MAGI2: variants seen among roughly 807,000 people sequenced by gnomAD.
MAGI2 encodes the protein membrane-associated guanylate kinase, WW and PDZ domain-containing protein 2.
MAGI2 carries 35 observed loss-of-function variants against 133.3 expected under a neutral mutation model. The ratio of observed to expected loss-of-function variants is 0.26; its 90% CI spans 0.20 to 0.35. The LOEUF is 0.35. Among genes scored for constraint, MAGI2 ranks in the 10% least tolerant of loss-of-function variants. MAGI2 has a pLI of 1.00. For synonymous variants in MAGI2, 729 were observed against 710.6 expected, an observed-to-expected ratio of 1.03 and a Z score of -0.41; for missense variants, 1,636 against 1,863.4, an observed-to-expected ratio of 0.88 and a Z score of 2.25.
At chr7:78,985,669 T>G (rs1156404222) in intron 2 of MAGI2, among the ~76,000 whole-genome samples, 2 of 152,042 alleles carry the variant, frequency 1.3e-5, no homozygotes, top group Non-Finnish European at 2.9e-5. Context: ...TAATTTTGTT[T>G]AAACTAAGTC....
intron 6 of MAGI2, among the ~76,000 whole-genome samples, chr7:78,389,209 T>C (rs960188660): frequency 6.6e-6 from 1 of 152,202 alleles, no homozygotes; most frequent in African/African-American, 2.4e-5. Flanking sequence ...CTGTGATTTA[T>C]GGTTCTGCAG....
At chr7:78,209,416 C>T (rs1297703240) in intron 10 of MAGI2, among the ~76,000 whole-genome samples, 28 of 150,228 alleles carry the variant, frequency 1.9e-4, no homozygotes, top group African/African-American at 6.3e-4. Flanking sequence ...CGTGCACCAT[C>T]ACGCCCCACT....
At chr7:79,103,886 A>G (rs1226138552) in intron 1 of MAGI2, among the ~76,000 whole-genome samples, 5 of 151,644 alleles carry the variant, frequency 3.3e-5, no homozygotes, top group Non-Finnish European at 7.4e-5. Flanking sequence ...TATTTTTAGT[A>G]GAGACGGGGT....
At chr7:78,395,407 T>C (rs73144438) in intron 6 of MAGI2, among the ~76,000 whole-genome samples, 2,848 of 152,242 alleles carry the variant, frequency 0.019, 39 homozygotes, top group Non-Finnish European at 0.031. Flanking sequence ...CAACAGAAAA[T>C]TGGGGTTTCC....
At chr7:78,070,216 T>TAC (rs1164217422) in intron 21 of MAGI2, among the ~76,000 whole-genome samples, 27 of 52,106 alleles carry the variant, frequency 5.2e-4, no homozygotes, top group African/African-American at 1.3e-3. Flanking sequence ...TATATATATA[T>TAC]ATACACACAC....
At chr7:78,695,533 T>C (rs1164495661) in intron 2 of MAGI2, among the ~76,000 whole-genome samples, 1 of 152,190 alleles carries the variant, frequency 6.6e-6, no homozygotes. Flanking sequence ...TCTCAGTTCT[T>C]TCAATGTAGT....
chr7:78,663,299 C>T (rs553434886), intron 2 of MAGI2, among the ~76,000 whole-genome samples: 6 of 151,300 alleles, frequency 4.0e-5, no homozygotes, highest in East Asian at 2.0e-4. Context: ...ATCCGCCTCC[C>T]GGGTTCAAGC....
chr7:78,339,827 G>T (rs907967070), intron 9 of MAGI2, among the ~76,000 whole-genome samples: 2 of 152,150 alleles, frequency 1.3e-5, no homozygotes, highest in Non-Finnish European at 2.9e-5. Flanking sequence ...GTAGCGTTTG[G>T]AAACGTGGTG....
intron 2 of MAGI2, among the ~76,000 whole-genome samples, chr7:78,842,873 T>G (rs1403118768): frequency 6.6e-6 from 1 of 151,860 alleles, no homozygotes; most frequent in African/African-American, 2.4e-5. Flanking sequence ...AGTATCACTT[T>G]TTTTTTAACT....
At chr7:79,412,405 A>T (rs1482291497) in intron 1 of MAGI2, 1 of 152,114 alleles carries the variant, frequency 6.6e-6, no homozygotes, top group African/African-American at 2.4e-5. Flanking sequence ...TAAGTGTAAA[A>T]TCTGCATTAC....
At chr7:78,681,348 C>G (rs1815636170) in intron 2 of MAGI2, among the ~76,000 whole-genome samples, 1 of 152,110 alleles carries the variant, frequency 6.6e-6, no homozygotes, top group South Asian at 2.1e-4. Context: ...CTTTCATATT[C>G]CTGGTCTGTT....
chr7:78,467,280 G>A lies in MAGI2; in HGVS notation c.1045+22481C>T, dbSNP rs114692635. Among the ~76,000 whole-genome samples, 910 of 152,172 alleles carry A rather than the reference G, an allele frequency of 6.0e-3. 11 individuals are homozygous for A. Among genetic ancestry groups the A allele is most frequent in the African/African-American group, 0.021 (882 of 41,514 alleles). ...ATAACCTTAAGGAATCAGCCCCTAAGGATAAACAGCTATGCCTTGGCCCCT... is the reference window on the plus strand; with the variant it reads ...ATAACCTTAAGGAATCAGCCCCTAAAGATAAACAGCTATGCCTTGGCCCCT... On this transcript the variant is annotated intron_variant, in intron 6 of 21. Transcript: ENST00000354212.
chr7:78,061,556 A>C (rs1442882263), intron 21 of MAGI2, among the ~76,000 whole-genome samples: 1 of 152,110 alleles, frequency 6.6e-6, no homozygotes, highest in Non-Finnish European at 1.5e-5. Flanking sequence ...TTGGGAGGGA[A>C]GGTCATGAAT....
chr7:78,819,274 A>C (rs2151423576), intron 2 of MAGI2, among the ~76,000 whole-genome samples: 1 of 152,242 alleles, frequency 6.6e-6, no homozygotes, highest in Middle Eastern at 3.4e-3. Context: ...TTGAAGGATC[A>C]GGAAGCATCT....
chr7:78,654,927 A>T lies in MAGI2; in HGVS notation c.419-27688T>A, dbSNP rs571319816. On this transcript the variant is annotated intron_variant, in intron 2 of 21. Coordinates refer to ENST00000354212, the MANE Select transcript of MAGI2 (RefSeq NM_012301.4). ...TAGAAAAATGTTATTTAAAACAACA[A>T]ATTCAAGACCTGTGCCTTGAACGGG... Among the ~76,000 whole-genome samples the T allele has an allele frequency of 5.9e-5, 9 of 151,740 alleles. No individual in the cohort carries two copies. The South Asian group carries it at 1.9e-3, about 32-fold the overall frequency.
intron 1 of MAGI2, among the ~76,000 whole-genome samples, chr7:79,046,279 C>T (rs887293942): frequency 3.4e-4 from 52 of 152,144 alleles, no homozygotes; most frequent in African/African-American, 1.2e-3. Context: ...GTGAGGTAAT[C>T]CAATCTGACT....
Position 79,335,903 on chromosome 7 carries a change from A to T in MAGI2, c.301+117117T>A, listed in dbSNP as rs137941135. Among the ~76,000 whole-genome samples, 61 of 152,182 alleles carry T rather than the reference A, an allele frequency of 4.0e-4. No homozygotes were observed. In the East Asian group the frequency reaches 0.011, roughly 28 times the overall value. Reference sequence around the variant, plus strand: ...CACTATATTTAAATATAATGACTTAATGTAATGTCTATCTTCTCTTCCAAA... The same window carrying T: ...CACTATATTTAAATATAATGACTTATTGTAATGTCTATCTTCTCTTCCAAA... On this transcript the variant is annotated intron_variant, in intron 1 of 21. Transcript: ENST00000354212.
At chr7:79,254,918 T>C (rs189181477) in intron 1 of MAGI2, among the ~76,000 whole-genome samples, 11 of 152,294 alleles carry the variant, frequency 7.2e-5, no homozygotes, top group East Asian at 5.8e-4. Context: ...TGAAATTCCA[T>C]AGAAGTTCAC....
At chr7:78,756,362 G>A (rs1017942491) in intron 2 of MAGI2, among the ~76,000 whole-genome samples, 5 of 151,990 alleles carry the variant, frequency 3.3e-5, no homozygotes, top group Non-Finnish European at 7.4e-5. Context: ...TTAATGATGT[G>A]GATTAATAAC....
Sources: allele counts gnomAD v4.1 joint callset (sites outside exome capture counted in the v4.1 genomes callset), GRCh38; gene constraint gnomAD v4.1.1; transcripts MANE v1.5; gene names NCBI Gene and HGNC (gene_info 2026-07-23, HGNC 2026-07-21).